CASZ1: variants seen among roughly 807,000 people sequenced by gnomAD.
CASZ1 encodes zinc finger protein castor homolog 1.
Under a neutral mutation model 135.2 loss-of-function variants are expected in CASZ1, and 28 were observed. That is an observed-to-expected ratio of 0.21 (90% CI 0.15 to 0.28). CASZ1 has a LOEUF of 0.28. CASZ1 is among the 10% of genes least tolerant of loss of function. CASZ1 has a pLI of 1.00. For missense variants in CASZ1, 2,161 were observed against 2,453.3 expected, an observed-to-expected ratio of 0.88 and a Z score of 2.52; for synonymous variants, 1,068 against 1,073.4, an observed-to-expected ratio of 0.99 and a Z score of 0.10.
intron 1 of CASZ1, among the ~76,000 whole-genome samples, chr1:10,780,074 C>G (rs973539269): frequency 1.3e-5 from 2 of 152,180 alleles, no homozygotes; most frequent in Admixed American, 6.5e-5. Flanking sequence ...AGCCCTCACC[C>G]TCACGGTGAC....
chr1:10,679,128 G>A lies in CASZ1; in HGVS notation c.17-13557C>T, dbSNP rs573715394. 3.9e-5 allele frequency among the ~76,000 whole-genome samples: 6 copies of A among 152,190 alleles called. No individual in the cohort carries two copies. Among genetic ancestry groups the A allele is most frequent in the Non-Finnish European group, 8.8e-5 (6 of 68,026 alleles). Reference sequence around the variant, plus strand: ...GTTCAGGAGGGGTACCCGCTGCCCCGACTTCCCAGGATTCACGAGGGGACT... The same window carrying A: ...GTTCAGGAGGGGTACCCGCTGCCCCAACTTCCCAGGATTCACGAGGGGACT... On this transcript the variant is annotated intron_variant, in intron 4 of 20. Transcript: ENST00000377022. This position sits in a 1 kb window ranked among gnomAD's most constrained non-coding sequence, Gnocchi z 4.7.
chr1:10,755,642 G>T lies in CASZ1; in HGVS notation c.-77+5059C>A, dbSNP rs886148745. On this transcript the variant is annotated intron_variant, in intron 2 of 20. Transcript: ENST00000377022. The surrounding 1 kb of genome is among the most constrained non-coding windows in gnomAD (Gnocchi z 4.3). The stretch of plus-strand genomic sequence containing the variant: ...TTTCCTGCATCTGCTCCGAAGGCAG[G>T]GGGTGTGGGGAGAACGGAGGAAGGA... 6.6e-6 allele frequency among the ~76,000 whole-genome samples: 1 copy of T among 152,124 alleles called. No individual in the cohort carries two copies. Among genetic ancestry groups the T allele is most frequent in the African/African-American group, 2.4e-5 (1 of 41,416 alleles).
At chr1:10,796,247 G>A (rs1469584674) in intron 1 of CASZ1, among the ~76,000 whole-genome samples, 1 of 152,056 alleles carries the variant, frequency 6.6e-6, no homozygotes, top group African/African-American at 2.4e-5. Flanking sequence ...CCCCCAGGAG[G>A]AGCAGCCCTC....
rs922313802 is a variant in CASZ1, at chr1:10,720,470, C to G, written c.-76-14926G>C. Reference sequence around the variant, plus strand: ...CTCAGAAATGTCTAGAGGAGGCCACCCCTACTGCCTGCCCTGAAAACTGAC... The same window carrying G: ...CTCAGAAATGTCTAGAGGAGGCCACGCCTACTGCCTGCCCTGAAAACTGAC... On this transcript the variant is annotated intron_variant, in intron 2 of 20. Transcript: ENST00000377022. The surrounding 1 kb of genome is among the most constrained non-coding windows in gnomAD (Gnocchi z 5.7). Among the ~76,000 whole-genome samples, 31 of 152,298 alleles carry G rather than the reference C, an allele frequency of 2.0e-4. No individual in the cohort carries two copies. Among genetic ancestry groups the G allele is most frequent in the African/African-American group, 6.7e-4 (28 of 41,564 alleles).
In CASZ1 at chr1:10,653,988, C is replaced by T. The variant is rs748325707; in HGVS notation, c.2069G>A (p.Arg690His). The T allele has an allele frequency of 2.5e-6, 4 of 1,613,984 alleles. No individual in the cohort carries two copies. The highest frequency in any genetic ancestry group is 1.1e-5 in the South Asian group (1 of 91,096). ...TSTSQMTSHKRKHERRHIRSS... is the reference protein window; with the variant it reads ...TSTSQMTSHKHKHERRHIRSS... ...GCGGATGTGCCGGCGCTCATGCTTGCGCTTGTGAGAGGTCATCTGGCTGGT... is the reference window on the plus strand; with the variant it reads ...GCGGATGTGCCGGCGCTCATGCTTGTGCTTGTGAGAGGTCATCTGGCTGGT... The change falls in exon 11 of 21, where the codon CGC (arginine) becomes CAC (histidine). Residue 690 changes from arginine to histidine, a missense_variant. Around this residue, in one of 7 missense-constraint regions of CASZ1, gnomAD observed 248 missense variants for 410.8 expected, o/e 0.60. Transcript: ENST00000377022.
Position 10,679,811 on chromosome 1 carries a change from A to G in CASZ1, c.16+14063T>C, listed in dbSNP as rs1472723022. Among the ~76,000 whole-genome samples, 1 of 152,254 alleles carries G rather than the reference A, an allele frequency of 6.6e-6. No homozygotes were observed. The highest frequency in any genetic ancestry group is 2.4e-5 in the African/African-American group (1 of 41,476). ...GGCTCCAGCTGATTAAGGATCTGCA[A>G]CAGGATGTAGGGATTACAGTAAAAC... On this transcript the variant is annotated intron_variant, in intron 4 of 20. Transcript: ENST00000377022. The surrounding 1 kb of genome is among the most constrained non-coding windows in gnomAD (Gnocchi z 4.7).
At chr1:10,795,676 CCT>C (rs1641053088) in intron 1 of CASZ1, among the ~76,000 whole-genome samples, 1 of 152,250 alleles carries the variant, frequency 6.6e-6, no homozygotes, top group Non-Finnish European at 1.5e-5. Flanking sequence ...CTCCCCGTGC[CCT>C]GTGTTGCCAG....
chr1:10,792,516 G>A (rs1338925064), intron 1 of CASZ1, among the ~76,000 whole-genome samples: 1 of 151,784 alleles, frequency 6.6e-6, no homozygotes, highest in Non-Finnish European at 1.5e-5. Context: ...TGCATTAAAT[G>A]GTTCTACCTA....
chr1:10,718,523 C>G (rs1639436758), intron 2 of CASZ1, among the ~76,000 whole-genome samples: 1 of 152,254 alleles, frequency 6.6e-6, no homozygotes, highest in Non-Finnish European at 1.5e-5. Context: ...CAGGCTCCTT[C>G]TCCAAGAACC....
rs186388609 is a variant in CASZ1, at chr1:10,753,069, T to C, written c.-77+7632A>G. On this transcript the variant is annotated intron_variant, in intron 2 of 20. Coordinates refer to ENST00000377022, the MANE Select transcript of CASZ1 (RefSeq NM_001079843.3). ...CAAAACAAAACAAAACAAAAAACAA[T>C]GAATACTATTTTCATATAAGTATGT... is the stretch of plus-strand genomic sequence containing the variant. Among the ~76,000 whole-genome samples the C allele has an allele frequency of 3.8e-3, 578 of 152,262 alleles. 1 individual carries two copies. The highest frequency in any genetic ancestry group is 0.013 in the African/African-American group (560 of 41,552).
Position 10,720,892 on chromosome 1 carries a change from C to T in CASZ1, c.-76-15348G>A, listed in dbSNP as rs546413055. Among the ~76,000 whole-genome samples, 382 of 152,304 alleles carry T rather than the reference C, an allele frequency of 2.5e-3. 2 individuals are homozygous for T. Among genetic ancestry groups the T allele is most frequent in the South Asian group, 9.7e-3 (47 of 4,826 alleles). On this transcript the variant is annotated intron_variant, in intron 2 of 20. Coordinates refer to ENST00000377022, the MANE Select transcript of CASZ1 (RefSeq NM_001079843.3). The surrounding 1 kb of genome is among the most constrained non-coding windows in gnomAD (Gnocchi z 5.7). ...GGTGCCGCGTGGGCCCAGCCAAGGG[C>T]TCCAGGACACGAGGTGGACACCCGA...
chr1:10,696,432 C>T (rs573298404), intron 3 of CASZ1, among the ~76,000 whole-genome samples: 6 of 152,378 alleles, frequency 3.9e-5, no homozygotes, highest in South Asian at 4.1e-4. Flanking sequence ...TATGACTGCC[C>T]GTACCGGGCA....
At chr1:10,715,637 G>GCACCCCACAGCACCCAATCCA (rs1221246156) in intron 2 of CASZ1, among the ~76,000 whole-genome samples, 2,179 of 82,270 alleles carry the variant, frequency 0.026, 199 homozygotes, top group East Asian at 0.18. Context: ...CACCCAATCC[G>GCACCCCACAGCACCCAATCCA]CACCCCACAG....
At chr1:10,730,298 T>C (rs997416602) in intron 2 of CASZ1, among the ~76,000 whole-genome samples, 1 of 152,120 alleles carries the variant, frequency 6.6e-6, no homozygotes, top group African/African-American at 2.4e-5. Context: ...CCTCCCAAAG[T>C]GCTGGGATTA....
chr1:10,697,755 C>T lies in CASZ1; in HGVS notation c.-23-3843G>A, dbSNP rs1319137995. Among the ~76,000 whole-genome samples, 6 of 152,218 alleles carry T rather than the reference C, an allele frequency of 3.9e-5. No homozygotes were observed. The highest frequency in any genetic ancestry group is 2.6e-4 in the Admixed American group (4 of 15,286). On this transcript the variant is annotated intron_variant, in intron 3 of 20. Transcript: ENST00000377022. The surrounding 1 kb of genome is among the most constrained non-coding windows in gnomAD (Gnocchi z 4.7). The stretch of plus-strand genomic sequence containing the variant: ...TTGAACAAAGCTCCTTTTGTTATTG[C>T]ACCCCACCCCAGGATCCCAATAAAC...
At chr1:10,761,053 A>G (rs1208651238) in intron 1 of CASZ1, among the ~76,000 whole-genome samples, 196 bp from the exon 2 acceptor site, 1 of 152,264 alleles carries the variant, frequency 6.6e-6, no homozygotes, top group Non-Finnish European at 1.5e-5. Context: ...CTGACTCTGC[A>G]ACCAACGCAC....
intron 4 of CASZ1, among the ~76,000 whole-genome samples, chr1:10,686,480 G>A (rs1162666455): frequency 1.3e-5 from 2 of 152,154 alleles, no homozygotes; most frequent in African/African-American, 2.4e-5. Flanking sequence ...TTGCCCAGGG[G>A]ACCAAGGGCT....
chr1:10,639,144 T>C lies in CASZ1; in HGVS notation c.5078A>G (p.Glu1693Gly). 9.1e-7 allele frequency: 1 copy of C among 1,098,662 alleles called. No individual in the cohort carries two copies. Among genetic ancestry groups the C allele is most frequent in the Non-Finnish European group, 1.1e-6 (1 of 888,392 alleles). 68.1% of individuals were successfully genotyped at this position (1,098,662 alleles called of 1,614,324 possible). A position where few individuals can be genotyped will look rare whatever the true frequency, so the allele number is the denominator to read the frequency against. Reference sequence around the variant, plus strand: ...GTCGTCCTCGTCGTCGTCCTCGTCCTCGTCGTCTTCGGCCTCCTCCTCCGG... The same window carrying C: ...GTCGTCCTCGTCGTCGTCCTCGTCCCCGTCGTCTTCGGCCTCCTCCTCCGG... Reference protein sequence around the residue: ...ELPEEEAEDDEDEDDDEDDDD... With the variant: ...ELPEEEAEDDGDEDDDEDDDD... The change falls in exon 21 of 21, where the codon GAG (glutamate) becomes GGG (glycine). Residue 1693 changes from glutamate to glycine, a missense_variant. Physicochemically the swap from Glu to Gly is moderately conservative, Grantham distance 98. Transcript: ENST00000377022. The surrounding 1 kb of genome is among the most constrained non-coding windows in gnomAD (Gnocchi z 4.0).
At chr1:10,765,304 G>A (rs77523604) in intron 1 of CASZ1, among the ~76,000 whole-genome samples, 3,018 of 151,540 alleles carry the variant, frequency 0.02, 43 homozygotes, top group Non-Finnish European at 0.032. Flanking sequence ...AGGACAGAGC[G>A]CTAATGAGCA....
Sources: gnomAD v4.1 joint callset for allele counts (sites outside exome capture counted in the v4.1 genomes callset) on GRCh38, gnomAD v4.1.1 for gene constraint, gnomAD v4.1.1 regional missense constraint, Gnocchi (gnomAD v3.1) non-coding constraint, MANE v1.5 for transcripts, NCBI Gene and HGNC (gene_info 2026-07-23, HGNC 2026-07-21) for gene names.